NFIX: variants seen among roughly 807,000 people sequenced by gnomAD.
NFIX encodes the protein nuclear factor I X.
NFIX carries 2 observed loss-of-function variants against 53.3 expected under a neutral mutation model. The ratio of observed to expected loss-of-function variants is 0.04; its 90% CI spans 0.02 to 0.12. NFIX has a LOEUF of 0.12. NFIX is among the 10% of genes least tolerant of loss of function. The pLI, the probability that NFIX is intolerant of heterozygous loss-of-function variation, is 1.00. For missense variants in NFIX, 310 were observed against 674.5 expected (o/e 0.46, Z 5.99); for synonymous variants, 244 against 289.0 (o/e 0.84, Z 1.58).
chr19:13,023,290 C>T (rs2013061986), intron 1 of NFIX, among the ~76,000 whole-genome samples: 1 of 151,910 alleles, frequency 6.6e-6, no homozygotes, highest in South Asian at 2.1e-4. Flanking sequence ...CCACGTCCTC[C>T]CTCGATCCTC....
chr19:13,061,581 C>CCCTGAACCGCGTCGCTT (rs1442581095), intron 2 of NFIX, among the ~76,000 whole-genome samples: 7 of 152,136 alleles, frequency 4.6e-5, no homozygotes, highest in South Asian at 2.1e-4. Context: ...GCGCTTCGCT[C>CCCTGAACCGCGTCGCTT]CCTGAACCGC....
rs150828125 is a variant in NFIX at position 13,068,838 on chromosome 19, A to G, written c.560-4209A>G. Among the ~76,000 whole-genome samples the G allele has an allele frequency of 7.1e-4, 108 of 152,260 alleles. 1 individual carries two copies. In the East Asian group the frequency reaches 0.02, roughly 28 times the overall value. The stretch of plus-strand genomic sequence containing the variant: ...TCACGAGTAGCCCAGGTCCCCAGAG[A>G]AGGACAGCCCGCAGAGCTGCGTGTT... On this transcript the variant is annotated intron_variant, in intron 2 of 10. Transcript: ENST00000592199. The surrounding 1 kb of genome is among the most constrained non-coding windows in gnomAD (Gnocchi z 4.2).
At chr19:13,003,207 CT>C (rs2011818180) in intron 1 of NFIX, among the ~76,000 whole-genome samples, 2 of 152,280 alleles carry the variant, frequency 1.3e-5, no homozygotes, top group East Asian at 3.9e-4. Context: ...CTGCACCTCC[CT>C]CAATCAAACA....
In NFIX at chr19:13,001,601, G is replaced by A. The variant is rs1314994591; in HGVS notation, c.27+5737G>A. 6.6e-6 allele frequency among the ~76,000 whole-genome samples: 1 copy of A among 152,210 alleles called. No homozygotes were observed. The highest frequency in any genetic ancestry group is 2.4e-5 in the African/African-American group (1 of 41,448). On this transcript the variant is annotated intron_variant, in intron 1 of 10. Transcript: ENST00000592199. The surrounding 1 kb of genome is among the most constrained non-coding windows in gnomAD (Gnocchi z 6.5). ...GTGTCTGTGCGTCACGGCAAAGAGT[G>A]TATCCGTGTGTCTCACACACGTGTT...
chr19:13,039,220 A>ACCC (rs766690895), intron 2 of NFIX, among the ~76,000 whole-genome samples: 1,952 of 135,550 alleles, frequency 0.014, 27 homozygotes, highest in African/African-American at 0.041. Flanking sequence ...TAAATTAAAC[A>ACCC]CCCCCCCCCA....
rs926195723 is a variant in NFIX, at chr19:13,005,750, G to A, written c.27+9886G>A. On this transcript the variant is annotated intron_variant, in intron 1 of 10. Transcript: ENST00000592199. The surrounding 1 kb of genome is among the most constrained non-coding windows in gnomAD (Gnocchi z 4.7). ...TCAAAATGGGTCTGCACACCCCCAC[G>A]CCCCCATTTGAAACGTGCCCTAGTG... is the stretch of plus-strand genomic sequence containing the variant. Among the ~76,000 whole-genome samples the A allele has an allele frequency of 1.1e-4, 16 of 152,004 alleles. No individual in the cohort carries two copies. The highest frequency in any genetic ancestry group is 3.9e-4 in the Admixed American group (6 of 15,260).
At chr19:13,065,192 G>A (rs1352352076) in intron 2 of NFIX, among the ~76,000 whole-genome samples, 1 of 152,164 alleles carries the variant, frequency 6.6e-6, no homozygotes, top group Non-Finnish European at 1.5e-5. Context: ...GCACTGTGTT[G>A]TACCCCCTCA....
chr19:13,011,155 G>A lies in NFIX; in HGVS notation c.28-13866G>A, dbSNP rs754550292. Among the ~76,000 whole-genome samples, 45 of 152,190 alleles carry A rather than the reference G, an allele frequency of 3.0e-4. No homozygotes were observed. Among genetic ancestry groups the A allele is most frequent in the Non-Finnish European group, 5.4e-4 (37 of 68,010 alleles). On this transcript the variant is annotated intron_variant, in intron 1 of 10. Coordinates refer to ENST00000592199, the MANE Select transcript of NFIX (RefSeq NM_001365902.3). This position sits in a 1 kb window ranked among gnomAD's most constrained non-coding sequence, Gnocchi z 6.5. ...AGCAGCCCTCCCCCTCTCCACTGCG[G>A]ACGGACATCCCACGTTCTTAAAGAC...
At chr19:13,065,878 TG>T (rs1399475665) in intron 2 of NFIX, among the ~76,000 whole-genome samples, 1 of 152,106 alleles carries the variant, frequency 6.6e-6, no homozygotes. Flanking sequence ...GGCCACTTGC[TG>T]GGGATGGAAG....
chr19:13,065,156 C>T (rs2016325619), intron 2 of NFIX, among the ~76,000 whole-genome samples: 1 of 152,122 alleles, frequency 6.6e-6, no homozygotes, highest in Non-Finnish European at 1.5e-5. Context: ...CCAGCTCACC[C>T]AGGATAGGGT....
chr19:13,091,400 CAAA>C (rs57370192), intron 10 of NFIX, among the ~76,000 whole-genome samples: 5 of 57,186 alleles, frequency 8.7e-5, no homozygotes, highest in Non-Finnish European at 1.8e-4. Flanking sequence ...TTCCTTCCCT[CAAA>C]AAAAAAAAAA....
At position 13,081,960 on chromosome 19, in the gene NFIX, G is replaced by A. The variant is rs2017496544; in HGVS notation, c.1254+105G>A. ...GGGCCCAAAAGCCAGGAGCCCACCT[G>A]GGGCTGGAGCAGCAGGGAGCTGGTA... On this transcript the variant is annotated intron_variant, in intron 8 of 10. Transcript: ENST00000592199. The surrounding 1 kb of genome is among the most constrained non-coding windows in gnomAD (Gnocchi z 4.7). 5.0e-6 allele frequency: 7 copies of A among 1,387,694 alleles called. No homozygotes were observed. The Admixed American group carries it at 6.0e-5, about 12-fold the overall frequency. 86.0% of individuals were successfully genotyped at this position (1,387,694 alleles called of 1,614,324 possible). A position where few individuals can be genotyped will look rare whatever the true frequency, so the allele number is the denominator to read the frequency against.
chr19:13,042,785 T>C (rs1486017099), intron 2 of NFIX, among the ~76,000 whole-genome samples: 1 of 146,330 alleles, frequency 6.8e-6, no homozygotes, highest in Non-Finnish European at 1.5e-5. Context: ...TAAATTCTGC[T>C]GGGATGGACA....
chr19:13,054,151 T>C (rs1399092409), intron 2 of NFIX, among the ~76,000 whole-genome samples: 1 of 152,140 alleles, frequency 6.6e-6, no homozygotes, highest in African/African-American at 2.4e-5. Flanking sequence ...GTCTCTACCG[T>C]GGACAGATCT....
rs569384119 is a variant in NFIX, at chr19:13,066,131, C to T, written c.560-6916C>T. 6.6e-6 allele frequency among the ~76,000 whole-genome samples: 1 copy of T among 152,288 alleles called. No homozygotes were observed. Among genetic ancestry groups the T allele is most frequent in the African/African-American group, 2.4e-5 (1 of 41,538 alleles). On this transcript the variant is annotated intron_variant, in intron 2 of 10. Coordinates refer to ENST00000592199, the MANE Select transcript of NFIX (RefSeq NM_001365902.3). This position sits in a 1 kb window ranked among gnomAD's most constrained non-coding sequence, Gnocchi z 4.2. ...GACTGCTCTGCTGGTCTCCTGGGTACAAGATGAGCTGATGGACTTGCTTTC... is the reference window on the plus strand; with the variant it reads ...GACTGCTCTGCTGGTCTCCTGGGTATAAGATGAGCTGATGGACTTGCTTTC...
Position 13,083,031 on chromosome 19 carries a change from C to T in NFIX, c.1254+1176C>T, listed in dbSNP as rs973612268. ...GGGAAGCCAGTCCTCTTCCCTCCCT[C>T]CTGTTCCCCTCCTGCTCCTTTCCTC... On this transcript the variant is annotated intron_variant, in intron 8 of 10. Coordinates refer to ENST00000592199, the MANE Select transcript of NFIX (RefSeq NM_001365902.3). 7.9e-5 allele frequency among the ~76,000 whole-genome samples: 12 copies of T among 152,216 alleles called. No individual in the cohort carries two copies. In the South Asian group the frequency reaches 8.3e-4, roughly 11 times the overall value.
At position 13,096,552 on chromosome 19, in the gene NFIX, G is replaced by C. The variant is rs2018472694; in HGVS notation, c.*1903G>C. On this transcript the variant is annotated 3_prime_UTR_variant, in exon 11 of 11. Coordinates refer to ENST00000592199, the MANE Select transcript of NFIX (RefSeq NM_001365902.3). ...TAGAGGACCCCAGGGCTGAGGGGCA[G>C]TGGATCCTGCGGGAGTCTCCCGGGG... The C allele has an allele frequency of 6.6e-6, 1 of 152,072 alleles. No homozygotes were observed. The highest frequency in any genetic ancestry group is 2.4e-5 in the African/African-American group (1 of 41,416). The allele number at this position is 152,072 out of a possible 1,614,324, so 9.4% of individuals were successfully genotyped here.
At chr19:13,032,315 G>A (rs2013878308) in intron 2 of NFIX, among the ~76,000 whole-genome samples, 1 of 152,166 alleles carries the variant, frequency 6.6e-6, no homozygotes, top group Non-Finnish European at 1.5e-5. Flanking sequence ...AGGGTGACAG[G>A]AGGAGGTGTA....
rs184838977 is a variant in NFIX at position 13,040,839 on chromosome 19, G to T, written c.559+15287G>T. Among the ~76,000 whole-genome samples the T allele has an allele frequency of 6.6e-6, 1 of 152,178 alleles. No individual in the cohort carries two copies. The highest frequency in any genetic ancestry group is 1.5e-5 in the Non-Finnish European group (1 of 68,030). Reference sequence around the variant, plus strand: ...TGCTGCCGCTGCTGTACCTTTGCTTGCCTCGGATCTTAGAACTGTTTCCAG... The same window carrying T: ...TGCTGCCGCTGCTGTACCTTTGCTTTCCTCGGATCTTAGAACTGTTTCCAG... On this transcript the variant is annotated intron_variant, in intron 2 of 10. Transcript: ENST00000592199. This position sits in a 1 kb window ranked among gnomAD's most constrained non-coding sequence, Gnocchi z 4.2.
Sources: gnomAD v4.1 joint callset for allele counts (sites outside exome capture counted in the v4.1 genomes callset) on GRCh38, gnomAD v4.1.1 for gene constraint, Gnocchi (gnomAD v3.1) non-coding constraint, MANE v1.5 for transcripts, NCBI Gene and HGNC (gene_info 2026-07-23, HGNC 2026-07-21) for gene names.